UGT1A8: variants seen among roughly 807,000 people sequenced by gnomAD.
UGT1A8 encodes the protein UDP glucuronosyltransferase family 1 member A8, also known as UDP-glucuronosyltransferase 1A8.
Under a neutral mutation model 45.3 loss-of-function variants are expected in UGT1A8, and 39 were observed. The observed-to-expected ratio is 0.86, with a 90% CI of 0.67 to 1.12. The LOEUF (loss-of-function observed/expected upper bound fraction) is 1.12. Ranked by LOEUF, UGT1A8 falls within the 50% of genes most tolerant of loss-of-function variation. The probability of loss-of-function intolerance (pLI) is 0.00; values close to 1 mark genes in which losing one functional copy is unlikely to be tolerated. For missense variants in UGT1A8, 719 were observed against 664.9 expected (o/e 1.08, Z -0.90); for synonymous variants, 275 against 249.2 (o/e 1.10, Z -0.97).
intron 1 of UGT1A8, among the ~76,000 whole-genome samples, chr2:233,745,902 G>A (rs961529996): frequency 3.3e-5 from 5 of 151,560 alleles, no homozygotes; most frequent in Non-Finnish European, 7.4e-5. Flanking sequence ...CGTTTTTCAG[G>A]GAGCAGCTGA....
chr2:233,729,312 C>T, intron 1 of UGT1A8: 1 of 1,614,236 alleles, frequency 6.2e-7, no homozygotes, highest in South Asian at 1.1e-5. Context: ...TGGTCCTCAC[C>T]CCAGAGGTGA....
chr2:233,722,529 T>C lies in UGT1A8; in HGVS notation c.856-44505T>C, dbSNP rs1318549990. ...TAATTGCAGCTTATTTTTGCCTTAA[T>C]GATTTCATCCTAGTTTCTTTTGGTT... On this transcript the variant is annotated intron_variant, in intron 1 of 4. Transcript: ENST00000373450. 2.0e-5 allele frequency among the ~76,000 whole-genome samples: 3 copies of C among 152,366 alleles called. No individual in the cohort carries two copies. In the East Asian group the frequency reaches 5.8e-4, roughly 29 times the overall value.
At chr2:233,702,416 C>T (rs186724566) in intron 1 of UGT1A8, among the ~76,000 whole-genome samples, 47 of 152,146 alleles carry the variant, frequency 3.1e-4, no homozygotes, top group African/African-American at 1.1e-3. Context: ...ATAGAGATAG[C>T]GTTACTTCTT....
At position 233,726,141 on chromosome 2, in the gene UGT1A8, G is replaced by A. The variant is rs1025600360; in HGVS notation, c.856-40893G>A. On this transcript the variant is annotated intron_variant, in intron 1 of 4. Transcript: ENST00000373450. The stretch of plus-strand genomic sequence containing the variant: ...TGTTCACACCACCTCACTCCAGCCC[G>A]AGTGACAGAGTGAGGCCCCATTTCA... Among the ~76,000 whole-genome samples the A allele has an allele frequency of 5.9e-5, 9 of 152,188 alleles. No individual in the cohort carries two copies. The East Asian group carries it at 7.7e-4, about 13-fold the overall frequency.
At chr2:233,685,100 A>G (rs1174006549) in intron 1 of UGT1A8, among the ~76,000 whole-genome samples, 5 of 152,270 alleles carry the variant, frequency 3.3e-5, no homozygotes, top group African/African-American at 1.2e-4. Flanking sequence ...CTATAACAAA[A>G]TCTTATTGAG....
At chr2:233,627,640 C>CCTTCCTTT (rs1553598976) in intron 1 of UGT1A8, among the ~76,000 whole-genome samples, 19 of 141,212 alleles carry the variant, frequency 1.3e-4, no homozygotes, top group Non-Finnish European at 2.3e-4. Context: ...TTCCTTCCTT[C>CCTTCCTTT]CTTCCTTCCT....
In UGT1A8 at chr2:233,772,400, C is replaced by T. The variant is rs1479735066; in HGVS notation, c.1434C>T (p.Leu478=). ...APHLRPAAHD[L]TWYQYHSLDV... is the part of the protein sequence containing the mutation. ...ACCTGCGCCCCGCAGCCCACGACCT[C>T]ACCTGGTACCAGTACCATTCCTTGG... Residue 478 remains leucine, a synonymous_variant, in exon 5 of 5, where the codon CTC becomes CTT. Transcript: ENST00000373450. 1 of 1,614,246 alleles carries T rather than the reference C, an allele frequency of 6.2e-7. No homozygotes were observed.
rs1378929014 is a variant in UGT1A8, at chr2:233,747,451, A to G, written c.856-19583A>G. On this transcript the variant is annotated intron_variant, in intron 1 of 4. Coordinates refer to ENST00000373450, the MANE Select transcript of UGT1A8 (RefSeq NM_019076.5). ...GAGAAATTTTTCACCCTGACAACCT[A>G]TGCCATTTCATGGACCCAGGATGAA... is the stretch of plus-strand genomic sequence containing the variant. 1.7e-4 allele frequency: 273 copies of G among 1,608,716 alleles called. 1 individual carries two copies. The highest frequency in any genetic ancestry group is 3.3e-5 in the Admixed American group (2 of 59,980).
intron 1 of UGT1A8, chr2:233,743,046 AG>A: frequency 3.1e-6 from 1 of 319,454 alleles, no homozygotes; most frequent in Non-Finnish European, 6.1e-6. Context: ...CTATCCGTGT[AG>A]TCCCAACGAT....
chr2:233,742,567 C>G (rs1045281711), intron 1 of UGT1A8, among the ~76,000 whole-genome samples: 1 of 151,796 alleles, frequency 6.6e-6, no homozygotes, highest in Non-Finnish European at 1.5e-5. Flanking sequence ...AGCTTCTGGC[C>G]GGAATTGGGG....
intron 1 of UGT1A8, chr2:233,754,939 A>G: frequency 7.5e-7 from 1 of 1,337,054 alleles, no homozygotes; most frequent in Non-Finnish European, 1.0e-6. Context: ...AGGTCAAAGG[A>G]GAATGGGTCC....
At chr2:233,682,511 A>G in intron 1 of UGT1A8, 1 of 1,613,916 alleles carries the variant, frequency 6.2e-7, no homozygotes. Context: ...CTATGTCCCC[A>G]GACTTCTCTT....
intron 1 of UGT1A8, chr2:233,719,666 C>A (rs766884257): frequency 1.7e-5 from 27 of 1,614,092 alleles, no homozygotes; most frequent in Non-Finnish European, 2.2e-5. Flanking sequence ...TCAACTGTGC[C>A]AACGGGAAGC....
chr2:233,740,463 A>G (rs1427389799), intron 1 of UGT1A8, among the ~76,000 whole-genome samples: 2 of 151,964 alleles, frequency 1.3e-5, no homozygotes, highest in Non-Finnish European at 2.9e-5. Context: ...AAGATGATGG[A>G]CAGAAAGGAT....
intron 1 of UGT1A8, among the ~76,000 whole-genome samples, chr2:233,639,188 T>G (rs920633175): frequency 2.0e-5 from 3 of 152,256 alleles, no homozygotes; most frequent in African/African-American, 7.2e-5. Flanking sequence ...TCATTTATTT[T>G]GATTGTAAAT....
intron 1 of UGT1A8, chr2:233,671,818 A>G (rs1486530864): frequency 4.2e-6 from 6 of 1,418,444 alleles, no homozygotes; most frequent in Non-Finnish European, 3.7e-6. Flanking sequence ...TTTTTTTTTT[A>G]TGAAAGGATA....
chr2:233,686,936 G>A (rs758142636), intron 1 of UGT1A8, among the ~76,000 whole-genome samples: 1 of 152,188 alleles, frequency 6.6e-6, no homozygotes, highest in Non-Finnish European at 1.5e-5. Flanking sequence ...GCTGACTCAT[G>A]CAGGGAAGCT....
intron 1 of UGT1A8, among the ~76,000 whole-genome samples, chr2:233,669,402 A>G (rs759924609): frequency 6.6e-6 from 1 of 152,240 alleles, no homozygotes; most frequent in Non-Finnish European, 1.5e-5. Flanking sequence ...TAGATCAACT[A>G]AGGAAAAATA....
At chr2:233,676,086 C>G (rs2074345666) in intron 1 of UGT1A8, among the ~76,000 whole-genome samples, 1 of 152,150 alleles carries the variant, frequency 6.6e-6, no homozygotes, top group Admixed American at 6.5e-5. Flanking sequence ...CAAGATCATT[C>G]AAATGGGAAA....
Sources: allele counts gnomAD v4.1 joint callset (sites outside exome capture counted in the v4.1 genomes callset), GRCh38; gene constraint gnomAD v4.1.1; transcripts MANE v1.5; gene names NCBI Gene and HGNC (gene_info 2026-07-23, HGNC 2026-07-21).